The following UBN2 variants were observed in gnomAD, a reference collection of about 807,000 sequenced individuals.
UBN2 encodes ubinuclein-2.
UBN2 carries 35 observed loss-of-function variants against 120.2 expected under a neutral mutation model. That is an observed-to-expected ratio of 0.29 (90% CI 0.22 to 0.39). UBN2 has a LOEUF of 0.39. UBN2 is among the 10% of genes least tolerant of loss of function. The probability of loss-of-function intolerance (pLI) is 1.00; values close to 1 mark genes in which losing one functional copy is unlikely to be tolerated. For synonymous variants in UBN2, 661 were observed against 648.7 expected (o/e 1.02, Z -0.29); for missense variants, 1,693 against 1,663.2 (o/e 1.02, Z -0.31).
Position 139,304,637 on chromosome 7 carries a change from G to C in UBN2, c.*6801G>C, listed in dbSNP as rs1205108620. On this transcript the variant is annotated 3_prime_UTR_variant, in exon 18 of 18. Coordinates refer to ENST00000473989, the MANE Select transcript of UBN2 (RefSeq NM_173569.4). Reference sequence around the variant, plus strand: ...TCAAGTGAGTTAGTAGAAAGCACCAGGTCCAAGCAGACAAAGCATCTGGTT... The same window carrying C: ...TCAAGTGAGTTAGTAGAAAGCACCACGTCCAAGCAGACAAAGCATCTGGTT... 6.6e-6 allele frequency: 1 copy of C among 151,870 alleles called. No homozygotes were observed. The highest frequency in any genetic ancestry group is 2.4e-5 in the African/African-American group (1 of 41,370). The allele number at this position is 151,870 out of a possible 1,614,324, so 9.4% of individuals were successfully genotyped here. A position where few individuals can be genotyped will look rare whatever the true frequency, so the allele number is the denominator to read the frequency against.
chr7:139,261,863 AAAT>A (rs1165686860), intron 6 of UBN2, 122 bp downstream of exon 6: 10 of 1,052,712 alleles, frequency 9.5e-6, no homozygotes, highest in South Asian at 1.9e-5. Flanking sequence ...TTAAAGATAA[AAAT>A]AATAAACTAC....
chr7:139,266,899 A>G lies in UBN2; in HGVS notation c.1466+496A>G, dbSNP rs184971018. On this transcript the variant is annotated intron_variant, in intron 7 of 17. Coordinates refer to ENST00000473989, the MANE Select transcript of UBN2 (RefSeq NM_173569.4). ...TTGTGAGGTAGGATAGAGATAATGTAGAGGAGATAGCAGTTAGATTGAGAA... is the reference window on the plus strand; with the variant it reads ...TTGTGAGGTAGGATAGAGATAATGTGGAGGAGATAGCAGTTAGATTGAGAA... Among the ~76,000 whole-genome samples the G allele has an allele frequency of 1.6e-4, 25 of 152,332 alleles. No individual in the cohort carries two copies. The East Asian group carries it at 4.8e-3, about 29-fold the overall frequency.
intron 15 of UBN2, among the ~76,000 whole-genome samples, chr7:139,289,430 T>TTTTTTTTTTTG (rs1797883087): frequency 6.6e-6 from 1 of 150,604 alleles, no homozygotes; most frequent in African/African-American, 2.5e-5. Flanking sequence ...TTTTTTTTTT[T>TTTTTTTTTTTG]GAGACAGGGT....
At chr7:139,309,392 T>G (rs1425957614), downstream of UBN2, among the ~76,000 whole-genome samples, 2 of 152,154 alleles carry the variant, frequency 1.3e-5, no homozygotes, top group African/African-American at 4.8e-5. Context: ...TAGCTAACAT[T>G]TAAGGACAGT....
chr7:139,313,721 T>C, the UBN2 span, among the ~76,000 whole-genome samples: 2 of 152,204 alleles, frequency 1.3e-5, no homozygotes, highest in African/African-American at 4.8e-5. Flanking sequence ...TCTAGATTTT[T>C]GGTATATAGT....
chr7:139,293,551 T>C (rs1798025412), intron 16 of UBN2, 88 bp downstream of exon 16: 1 of 1,130,224 alleles, frequency 8.8e-7, no homozygotes, highest in Non-Finnish European at 1.3e-6. Context: ...AGTAGTCCAG[T>C]TGGAGTTAAT....
At chr7:139,285,383 G>A (rs905786783) in intron 15 of UBN2, among the ~76,000 whole-genome samples, 1 of 152,188 alleles carries the variant, frequency 6.6e-6, no homozygotes, top group African/African-American at 2.4e-5. Context: ...CTTAGCTCAT[G>A]TACACCTGAT....
intron 1 of UBN2, among the ~76,000 whole-genome samples, chr7:139,233,554 C>T (rs1304203596): frequency 1.3e-5 from 2 of 152,138 alleles, no homozygotes; most frequent in Non-Finnish European, 2.9e-5. Context: ...GAGGTAAAAA[C>T]TATTATCCTC....
rs369988517 is a variant in UBN2 at position 139,283,650 on chromosome 7, C to A, written c.2745C>A (p.Ser915=). 1 of 1,614,032 alleles carries A rather than the reference C, an allele frequency of 6.2e-7. No homozygotes were observed. Among genetic ancestry groups the A allele is most frequent in the African/African-American group, 1.3e-5 (1 of 74,914 alleles). ...CCTCTTCTCATGCTCTGGGAACATC[C>A]GAGGCCCAAGATGCTTCTTCGTTAA... ...IAASSHALGT[S]EAQDASSLTQ... is the part of the protein sequence containing the mutation. Residue 915 remains serine, a synonymous_variant, in exon 15 of 18, where the codon TCC becomes TCA. Coordinates refer to ENST00000473989, the MANE Select transcript of UBN2 (RefSeq NM_173569.4).
chr7:139,242,200 A>G (rs556276483), intron 2 of UBN2, among the ~76,000 whole-genome samples: 4 of 152,366 alleles, frequency 2.6e-5, no homozygotes, highest in African/African-American at 9.6e-5. Flanking sequence ...AACTGTCTTC[A>G]AATGTGAAAC....
the UBN2 span, among the ~76,000 whole-genome samples, chr7:139,330,412 C>T: frequency 5.3e-5 from 8 of 152,346 alleles, no homozygotes; most frequent in South Asian, 1.4e-3. Context: ...CATTAAATAA[C>T]TCCTTTTTGC....
chr7:139,274,136 T>TACATAC (rs1797370686), intron 11 of UBN2, 62 bp downstream of exon 11: 1 of 1,445,670 alleles, frequency 6.9e-7, no homozygotes, highest in South Asian at 1.4e-5. Flanking sequence ...ATTAAAGATA[T>TACATAC]ACATACACAT....
intron 11 of UBN2, 96 bp from the exon 12 acceptor site, chr7:139,276,001 T>C: frequency 1.1e-6 from 1 of 899,684 alleles, no homozygotes; most frequent in Non-Finnish European, 1.8e-6. Context: ...TAAGCAGTAA[T>C]AGTCTACTGA....
rs1798356781 is a variant in UBN2 at position 139,306,230 on chromosome 7, G to A, written c.*8394G>A. On this transcript the variant is annotated 3_prime_UTR_variant, in exon 18 of 18. Coordinates refer to ENST00000473989, the MANE Select transcript of UBN2 (RefSeq NM_173569.4). ...GACATGTTTTTCTGTGTGGCAACCT[G>A]CCCTTAAATTGTCAGATCTTAACTA... is the stretch of plus-strand genomic sequence containing the variant. 6.6e-6 allele frequency: 1 copy of A among 152,140 alleles called. No individual in the cohort carries two copies. Among genetic ancestry groups the A allele is most frequent in the Admixed American group, 6.5e-5 (1 of 15,276 alleles). The allele number at this position is 152,140 out of a possible 1,614,324, so 9.4% of individuals were successfully genotyped here. A position where few individuals can be genotyped will look rare whatever the true frequency, so the allele number is the denominator to read the frequency against.
At chr7:139,244,645 G>A (rs1052838111) in intron 2 of UBN2, among the ~76,000 whole-genome samples, 5 of 151,930 alleles carry the variant, frequency 3.3e-5, no homozygotes, top group African/African-American at 1.2e-4. Context: ...TAATGACCAT[G>A]GTTATCTGCT....
At chr7:139,329,988 T>C in the UBN2 span, among the ~76,000 whole-genome samples, 1 of 152,160 alleles carries the variant, frequency 6.6e-6, no homozygotes, top group Non-Finnish European at 1.5e-5. Flanking sequence ...CAGATAGTCC[T>C]GCGTTCTCAT....
Position 139,283,357 on chromosome 7 carries a change from C to A in UBN2, c.2452C>A (p.Pro818Thr). 1 of 1,613,882 alleles carries A rather than the reference C, an allele frequency of 6.2e-7. No homozygotes were observed. Reference protein sequence around the residue: ...SIMSKLPLATPKKLDSTQTTH... With the variant: ...SIMSKLPLATTKKLDSTQTTH... The stretch of plus-strand genomic sequence containing the variant: ...CATGAGTAAGCTGCCACTAGCTACT[C>A]CCAAAAAACTAGATTCTACTCAGAC... The change falls in exon 15 of 18, where the codon CCC (proline) becomes ACC (threonine). Residue 818 changes from proline (P) to threonine (T), a missense_variant. Pro to Thr is a conservative substitution (Grantham distance 38). Coordinates refer to ENST00000473989, the MANE Select transcript of UBN2 (RefSeq NM_173569.4).
the UBN2 span, among the ~76,000 whole-genome samples, chr7:139,316,722 A>G: frequency 1.9e-4 from 29 of 152,028 alleles, no homozygotes; most frequent in Admixed American, 1.1e-3. Flanking sequence ...TCCAGCCTGG[A>G]CGACAAGAGT....
At chr7:139,316,072 C>T in the UBN2 span, among the ~76,000 whole-genome samples, 1 of 91,080 alleles carries the variant, frequency 1.1e-5, no homozygotes, top group African/African-American at 5.3e-5. Flanking sequence ...AGCGAGACTT[C>T]GTCTCAAAAA....
Sources: gnomAD v4.1 joint callset for allele counts (sites outside exome capture counted in the v4.1 genomes callset) on GRCh38, gnomAD v4.1.1 for gene constraint, MANE v1.5 for transcripts, NCBI Gene and HGNC (gene_info 2026-07-23, HGNC 2026-07-21) for gene names.